The following ATM variants were observed in gnomAD, a reference collection of about 807,000 sequenced individuals.
The protein encoded by ATM is ATM serine/threonine kinase.
A neutral mutation model predicts 387.0 loss-of-function variants in ATM; 308 were observed. The ratio of observed to expected loss-of-function variants is 0.80; its 90% CI spans 0.73 to 0.87. The LOEUF (loss-of-function observed/expected upper bound fraction) is 0.87. ATM is among the 40% of genes least tolerant of loss of function. ATM has a pLI of 0.00. For synonymous variants in ATM, 1,156 were observed against 1,187.3 expected (o/e 0.97, Z 0.54); for missense variants, 3,312 against 3,560.9 (o/e 0.93, Z 1.78).
At chr11:108,249,852 T>C (rs556904817) in intron 9 of ATM, among the ~76,000 whole-genome samples, 9 of 152,166 alleles carry the variant, frequency 5.9e-5, no homozygotes, top group Non-Finnish European at 1.2e-4. Context: ...CATTTTTATA[T>C]AGTTAAGAGT....
chr11:108,347,230 A>T, intron 58 of ATM, 49 bp from the exon 59 acceptor site: 1 of 1,355,642 alleles, frequency 7.4e-7, no homozygotes. Flanking sequence ...TATATATTAG[A>T]AAGAGATGGA....
intron 11 of ATM, among the ~76,000 whole-genome samples, chr11:108,252,407 G>C (rs2080203043): frequency 6.6e-6 from 1 of 152,148 alleles, no homozygotes; most frequent in Admixed American, 6.5e-5. Flanking sequence ...TGAATGAGGT[G>C]AGGAAACGAG....
chr11:108,289,788 T>C lies in ATM; in HGVS notation c.4423T>C (p.Tyr1475His), dbSNP rs1475596724. 6.2e-7 allele frequency: 1 copy of C among 1,612,662 alleles called. No homozygotes were observed. Among genetic ancestry groups the C allele is most frequent in the Admixed American group, 1.7e-5 (1 of 59,956 alleles). Residue 1475 changes from tyrosine (Y) to histidine (H), a missense_variant, in exon 29 of 63, where the codon TAT (tyrosine) becomes CAT (histidine). By Grantham distance (83) the Tyr-to-His change is moderately conservative. Coordinates refer to ENST00000675843, the MANE Select transcript of ATM (RefSeq NM_000051.4). ...LRDVIYTLIHYINQRPSCIMD... is the reference protein window; with the variant it reads ...LRDVIYTLIHHINQRPSCIMD... ...AGACGTTATTTATACTTTGATTCACTATATCAACCAAAGGTAAATAACATA... is the reference window on the plus strand; with the variant it reads ...AGACGTTATTTATACTTTGATTCACCATATCAACCAAAGGTAAATAACATA...
intron 40 of ATM, among the ~76,000 whole-genome samples, chr11:108,315,200 TCA>T (rs2084513332): frequency 6.6e-6 from 1 of 152,148 alleles, no homozygotes. Context: ...AAGCAGATAC[TCA>T]CAACACAATA....
At chr11:108,252,132 C>A in intron 11 of ATM, 101 bp downstream of exon 11, 1 of 994,090 alleles carries the variant, frequency 1.0e-6, no homozygotes, top group Non-Finnish European at 1.5e-6. Context: ...AATAATAATG[C>A]AGAATTTCCC....
chr11:108,253,741 A>G, intron 12 of ATM, 73 bp from the exon 13 acceptor site: 1 of 1,071,172 alleles, frequency 9.3e-7, no homozygotes, highest in Non-Finnish European at 1.4e-6. Context: ...TTCCTTTGTA[A>G]TATATTGCTA....
intron 29 of ATM, chr11:108,290,102 G>C (rs1256190262): frequency 1.5e-5 from 4 of 261,036 alleles, no homozygotes; most frequent in African/African-American, 6.5e-5. Context: ...CAAGCGAACT[G>C]TCAGCCTCAG....
chr11:108,331,730 C>T (rs903122139), intron 51 of ATM, 149 bp from the exon 52 acceptor site: 10 of 1,275,006 alleles, frequency 7.8e-6, no homozygotes, highest in Non-Finnish European at 9.7e-6. Context: ...CCTCATAGGC[C>T]TCTGCCTTTT....
At chr11:108,298,066 A>C (rs1015941891) in intron 33 of ATM, among the ~76,000 whole-genome samples, 4 of 152,150 alleles carry the variant, frequency 2.6e-5, no homozygotes, top group Middle Eastern at 3.2e-3. Context: ...ATTAAACTTA[A>C]ATAATTAAAA....
chr11:108,316,049 C>A lies in ATM; in HGVS notation c.6134C>A (p.Ala2045Asp), dbSNP rs879254147. The change falls in exon 42 of 63, where the codon GCC (alanine) becomes GAC (aspartate). Residue 2045 changes from alanine (A) to aspartate (D), a missense_variant. Physicochemically the swap from Ala to Asp is moderately radical, Grantham distance 126. This residue lies in a region of ATM where 1,405 missense variants were observed against 1,604.4 expected (regional missense o/e 0.88). Coordinates refer to ENST00000675843, the MANE Select transcript of ATM (RefSeq NM_000051.4). ...GAACACGAAGCAATGTGGGGCAAAGCCCTAGTAACATATGACCTCGAAACA... is the reference window on the plus strand; with the variant it reads ...GAACACGAAGCAATGTGGGGCAAAGACCTAGTAACATATGACCTCGAAACA... Reference protein sequence around the residue: ...TYEHEAMWGKALVTYDLETAI... With the variant: ...TYEHEAMWGKDLVTYDLETAI... 6.2e-7 allele frequency: 1 copy of A among 1,614,038 alleles called. No homozygotes were observed. The highest frequency in any genetic ancestry group is 8.5e-7 in the Non-Finnish European group (1 of 1,180,016).
At chr11:108,284,805 A>T (rs1348227229) in intron 26 of ATM, among the ~76,000 whole-genome samples, 1 of 152,236 alleles carries the variant, frequency 6.6e-6, no homozygotes, top group Non-Finnish European at 1.5e-5. Flanking sequence ...TAAACAGTGT[A>T]CAGAAAACCT....
chr11:108,239,668 G>A lies in ATM; in HGVS notation c.496+3834G>A, dbSNP rs572534395. Reference sequence around the variant, plus strand: ...TGATTATATACCCAGAAGTAGAATTGCTAGATCATGTGGTAATTCTATATT... The same window carrying A: ...TGATTATATACCCAGAAGTAGAATTACTAGATCATGTGGTAATTCTATATT... On this transcript the variant is annotated intron_variant, in intron 5 of 62. Coordinates refer to ENST00000675843, the MANE Select transcript of ATM (RefSeq NM_000051.4). Among the ~76,000 whole-genome samples, 25 of 152,236 alleles carry A rather than the reference G, an allele frequency of 1.6e-4. No homozygotes were observed. The South Asian group carries it at 4.4e-3, about 27-fold the overall frequency.
At chr11:108,292,834 ATAAAG>A (rs2082877414) in intron 30 of ATM, 41 bp downstream of exon 30, 1 of 1,595,912 alleles carries the variant, frequency 6.3e-7, no homozygotes. Context: ...TTTAAAATAT[ATAAAG>A]TATTGTTAGA....
At chr11:108,336,535 T>G (rs2086879800) in intron 56 of ATM, 1 of 154,618 alleles carries the variant, frequency 6.5e-6, no homozygotes, top group African/African-American at 2.4e-5. Flanking sequence ...ATTGTGTGTA[T>G]GTATGTAGTT....
rs1457965843 is a variant in ATM, at chr11:108,223,424, G to A, written c.-31+238G>A. On this transcript the variant is annotated intron_variant, in intron 1 of 62. Transcript: ENST00000675843. The stretch of plus-strand genomic sequence containing the variant: ...CCTGCCTCCTGCGCATCCTCTTTTT[G>A]TGTCACCTTAGGGTTCAGATTTAAC... 6.6e-6 allele frequency: 1 copy of A among 152,310 alleles called. No homozygotes were observed. Among genetic ancestry groups the A allele is most frequent in the Non-Finnish European group, 1.5e-5 (1 of 68,094 alleles). 9.4% of individuals were successfully genotyped at this position (152,310 alleles called of 1,614,324 possible).
intron 53 of ATM, among the ~76,000 whole-genome samples, chr11:108,333,272 A>G (rs377503791): frequency 7.2e-4 from 110 of 152,284 alleles, no homozygotes; most frequent in African/African-American, 2.5e-3. Context: ...ACTTAAAAAC[A>G]AAAAAAGGCT....
intron 59 of ATM, among the ~76,000 whole-genome samples, chr11:108,352,647 C>T (rs938940695): frequency 5.3e-5 from 8 of 152,156 alleles, no homozygotes; most frequent in Admixed American, 1.3e-4. Flanking sequence ...AGCCAAGAAC[C>T]GGAAAAATCC....
intron 12 of ATM, 135 bp from the exon 13 acceptor site, chr11:108,253,679 T>C (rs923033771): frequency 5.7e-5 from 32 of 566,328 alleles, no homozygotes; most frequent in Middle Eastern, 9.8e-4. Context: ...AAAAGAATAA[T>C]CTATTAATTA....
intron 55 of ATM, among the ~76,000 whole-genome samples, chr11:108,335,642 A>C (rs957905291): frequency 5.3e-5 from 8 of 152,242 alleles, no homozygotes; most frequent in Admixed American, 3.3e-4. Flanking sequence ...AGAAGTAGCG[A>C]GGGGAAACTT....
Sources: gnomAD v4.1 joint callset for allele counts (sites outside exome capture counted in the v4.1 genomes callset) on GRCh38, gnomAD v4.1.1 for gene constraint, gnomAD v4.1.1 regional missense constraint, MANE v1.5 for transcripts, NCBI Gene and HGNC (gene_info 2026-07-23, HGNC 2026-07-21) for gene names.